Variants in TRDMT1 observed in about 807,000 individuals in gnomAD.
TRDMT1 encodes tRNA (cytosine(38)-C(5))-methyltransferase.
TRDMT1 carries 49 observed loss-of-function variants against 51.2 expected under a neutral mutation model. The ratio of observed to expected loss-of-function variants is 0.96; its 90% CI spans 0.76 to 1.21. The LOEUF (loss-of-function observed/expected upper bound fraction) is 1.21, where lower values mean the gene tolerates loss of function less well. Among genes scored for constraint, TRDMT1 ranks in the 50% most tolerant of loss-of-function variants. The pLI is 0.00. For missense variants in TRDMT1, 534 were observed against 462.3 expected (o/e 1.16, Z -1.42); for synonymous variants, 187 against 164.6 (o/e 1.14, Z -1.04).
chr10:17,164,841 T>C (rs1840945438), intron 3 of TRDMT1, among the ~76,000 whole-genome samples: 1 of 152,190 alleles, frequency 6.6e-6, no homozygotes, highest in African/African-American at 2.4e-5. Flanking sequence ...CAAGAAGATC[T>C]ACCAATCACT....
At chr10:17,188,614 C>T (rs1207923478) in intron 1 of TRDMT1, among the ~76,000 whole-genome samples, 1 of 152,144 alleles carries the variant, frequency 6.6e-6, no homozygotes, top group Admixed American at 6.5e-5. Flanking sequence ...ACTCAAAGTT[C>T]ATGAAATGAT....
At chr10:17,153,447 C>T (rs1564558005) in intron 10 of TRDMT1, 60 bp downstream of exon 10, 1 of 1,594,948 alleles carries the variant, frequency 6.3e-7, no homozygotes, top group African/African-American at 1.3e-5. Flanking sequence ...CACACAAGTC[C>T]CTAAAGATTT....
At chr10:17,180,647 C>T (rs775445216) in intron 1 of TRDMT1, among the ~76,000 whole-genome samples, 1 of 151,804 alleles carries the variant, frequency 6.6e-6, no homozygotes, top group African/African-American at 2.4e-5. Flanking sequence ...TTTCCTTCTA[C>T]TTATAACTGT....
chr10:17,148,434 GT>G lies in TRDMT1; in HGVS notation c.*605del. On this transcript the variant is annotated 3_prime_UTR_variant, in exon 11 of 11. Transcript: ENST00000377799. Reference sequence around the variant, plus strand: ...AGAGGCTGAGGAAAATGTAGATAATGTGCACCAACAGTTTCTGTGGCCGCTT... The same window carrying G: ...AGAGGCTGAGGAAAATGTAGATAATGGCACCAACAGTTTCTGTGGCCGCTT... The G allele has an allele frequency of 1.0e-6, 1 of 985,392 alleles. No homozygotes were observed. Among genetic ancestry groups the G allele is most frequent in the Non-Finnish European group, 1.2e-6 (1 of 829,926 alleles). The allele number at this position is 985,392 out of a possible 1,614,324, so 61.0% of individuals were successfully genotyped here. A position where few individuals can be genotyped will look rare whatever the true frequency, so the allele number is the denominator to read the frequency against.
Position 17,146,498 on chromosome 10 carries a change from A to G in TRDMT1, c.*2542T>C, listed in dbSNP as rs1314144654. On this transcript the variant is annotated 3_prime_UTR_variant, in exon 11 of 11. Coordinates refer to ENST00000377799, the MANE Select transcript of TRDMT1 (RefSeq NM_004412.7). ...AACTATGACTCATTTTGTTTACATT[A>G]ATTGATTTGGTCATCTCTTAGAATT... 1 of 985,232 alleles carries G rather than the reference A, an allele frequency of 1.0e-6. No individual in the cohort carries two copies. The highest frequency in any genetic ancestry group is 1.2e-6 in the Non-Finnish European group (1 of 829,856). The allele number at this position is 985,232 out of a possible 1,614,324, so 61.0% of individuals were successfully genotyped here.
In TRDMT1 at chr10:17,174,516, G is replaced by T. The variant is rs577365606; in HGVS notation, c.174+35C>A. On this transcript the variant is annotated intron_variant, in intron 2 of 10. Coordinates refer to ENST00000377799, the MANE Select transcript of TRDMT1 (RefSeq NM_004412.7). The stretch of plus-strand genomic sequence containing the variant: ...AGTGTTTTTCAATCACATTTCCCTT[G>T]CTACATACTTATTAAAACAATGACA... 3.2e-5 allele frequency: 46 copies of T among 1,428,662 alleles called. No individual in the cohort carries two copies. In the South Asian group the frequency reaches 4.7e-4, roughly 15 times the overall value. 88.5% of individuals were successfully genotyped at this position (1,428,662 alleles called of 1,614,324 possible). A position where few individuals can be genotyped will look rare whatever the true frequency, so the allele number is the denominator to read the frequency against.
Position 17,168,836 on chromosome 10 carries a change from C to A in TRDMT1, c.251+5G>T. On this transcript the variant is annotated splice_donor_5th_base_variant and intron_variant, in intron 3 of 10. Transcript: ENST00000377799. ...ATACAACACTGAAATATTTATGACACATACCTTGTGAATGGCTGGCAGGGA... is the reference window on the plus strand; with the variant it reads ...ATACAACACTGAAATATTTATGACAAATACCTTGTGAATGGCTGGCAGGGA... 6.3e-7 allele frequency: 1 copy of A among 1,599,678 alleles called. No homozygotes were observed. The highest frequency in any genetic ancestry group is 1.1e-5 in the South Asian group (1 of 90,340).
intron 3 of TRDMT1, among the ~76,000 whole-genome samples, chr10:17,163,273 T>G (rs151243240): frequency 1.3e-5 from 2 of 151,910 alleles, no homozygotes; most frequent in Non-Finnish European, 2.9e-5. Context: ...AAATGAAGAC[T>G]TGAATTGAGC....
At chr10:17,166,983 T>C (rs995319529) in intron 3 of TRDMT1, among the ~76,000 whole-genome samples, 3 of 152,188 alleles carry the variant, frequency 2.0e-5, no homozygotes, top group African/African-American at 7.2e-5. Context: ...AGACATCACC[T>C]CTGAAAGAAT....
intron 10 of TRDMT1, among the ~76,000 whole-genome samples, chr10:17,152,463 C>A (rs947713073): frequency 2.0e-5 from 3 of 152,118 alleles, no homozygotes; most frequent in African/African-American, 7.2e-5. Context: ...TCTATTAAAC[C>A]CATTATTTAT....
At chr10:17,201,412 GC>G (rs1335918822) in intron 1 of TRDMT1, 158 bp downstream of exon 1, 1 of 651,416 alleles carries the variant, frequency 1.5e-6, no homozygotes, top group African/African-American at 1.9e-5. Flanking sequence ...GGACACGGCG[GC>G]GCGCAGGAGC....
chr10:17,149,965 A>G (rs1838472201), intron 10 of TRDMT1, among the ~76,000 whole-genome samples: 1 of 152,074 alleles, frequency 6.6e-6, no homozygotes, highest in African/African-American at 2.4e-5. Flanking sequence ...TTTTGTATAG[A>G]TACGTATTTT....
At position 17,145,820 on chromosome 10, in the gene TRDMT1, G is replaced by C; in HGVS notation, c.*3220C>G. On this transcript the variant is annotated 3_prime_UTR_variant, in exon 11 of 11. Transcript: ENST00000377799. ...GCTGGCCTGCAGAATGCATCCTTTA[G>C]TAGGTGCTTGATATTAGATGAAATG... The C allele has an allele frequency of 1.0e-6, 1 of 985,474 alleles. No individual in the cohort carries two copies. The highest frequency in any genetic ancestry group is 4.7e-5 in the South Asian group (1 of 21,292). 61.0% of individuals were successfully genotyped at this position (985,474 alleles called of 1,614,324 possible).
rs1414883090 is a variant in TRDMT1 at position 17,143,101 on chromosome 10, GGAA to G, written c.*5936_*5938del. On this transcript the variant is annotated 3_prime_UTR_variant, in exon 11 of 11. Coordinates refer to ENST00000377799, the MANE Select transcript of TRDMT1 (RefSeq NM_004412.7). ...TAACTTTGGCTGTTCCTCTGGGCAT[GGAA>G]GAAGTGGCAGTAACAGACAAATTAA... The G allele has an allele frequency of 2.0e-6, 2 of 985,306 alleles. No homozygotes were observed. Among genetic ancestry groups the G allele is most frequent in the Non-Finnish European group, 2.4e-6 (2 of 829,946 alleles). The allele number at this position is 985,306 out of a possible 1,614,324, so 61.0% of individuals were successfully genotyped here.
chr10:17,153,366 A>G, intron 10 of TRDMT1, 141 bp downstream of exon 10: 1 of 942,980 alleles, frequency 1.1e-6, no homozygotes, highest in Non-Finnish European at 1.6e-6. Flanking sequence ...GAGGGCAGAA[A>G]GATGCCATAA....
rs772375454 is a variant in TRDMT1, at chr10:17,160,330, T to C, written c.434A>G (p.Gln145Arg). 1 of 1,571,276 alleles carries C rather than the reference T, an allele frequency of 6.4e-7. No individual in the cohort carries two copies. The highest frequency in any genetic ancestry group is 1.8e-5 in the Admixed American group (1 of 54,644). Residue 145 changes from glutamine (Q) to arginine (R), a missense_variant, in exon 6 of 11, where the codon CAA becomes CGA. Physicochemically the swap from Gln to Arg is conservative, Grantham distance 43. Transcript: ENST00000377799. ...AGAGGTTGGAGATAATAGAAACTCT[T>C]GGTACTGAAAGCCACAATTTTCTAT... ...QTIENCGFQY[Q>R]EFLLSPTSLG...
intron 5 of TRDMT1, among the ~76,000 whole-genome samples, chr10:17,161,054 G>C (rs1840280278): frequency 6.6e-6 from 1 of 152,106 alleles, no homozygotes; most frequent in African/African-American, 2.4e-5. Context: ...CAAGGACTCG[G>C]GTGGATGCTT....
chr10:17,154,798 T>A (rs1839275208), intron 8 of TRDMT1, 64 bp from the exon 9 acceptor site: 16 of 1,388,746 alleles, frequency 1.2e-5, no homozygotes, highest in Middle Eastern at 3.6e-4. Context: ...ATTTCTTAAA[T>A]ATTTATTGAA....
rs977087090 is a variant in TRDMT1, at chr10:17,142,489, G to A, written c.*6551C>T. ...GCCAGGTCCCATGGTATCTCTGGGA[G>A]AAGGGAGTCTCAGGCTCAGGGTAAT... On this transcript the variant is annotated 3_prime_UTR_variant, in exon 11 of 11. Coordinates refer to ENST00000377799, the MANE Select transcript of TRDMT1 (RefSeq NM_004412.7). The A allele has an allele frequency of 2.0e-5, 3 of 152,222 alleles. No individual in the cohort carries two copies. The highest frequency in any genetic ancestry group is 4.8e-5 in the African/African-American group (2 of 41,434). The allele number at this position is 152,222 out of a possible 1,614,324, so 9.4% of individuals were successfully genotyped here.
Sources: allele counts gnomAD v4.1 joint callset (sites outside exome capture counted in the v4.1 genomes callset), GRCh38; gene constraint gnomAD v4.1.1; transcripts MANE v1.5; gene names NCBI Gene and HGNC (gene_info 2026-07-23, HGNC 2026-07-21).